Variants in ROBO1 observed in about 807,000 individuals in gnomAD.
ROBO1 encodes the protein roundabout guidance receptor 1.
Under a neutral mutation model 195.9 loss-of-function variants are expected in ROBO1, and 149 were observed. The observed-to-expected ratio is 0.76, with a 90% confidence interval of 0.67 to 0.87. The LOEUF (loss-of-function observed/expected upper bound fraction) is 0.87, where lower values mean the gene tolerates loss of function less well. ROBO1 is among the 40% of genes least tolerant of loss of function. ROBO1 has a pLI of 0.00. For missense variants in ROBO1, 1,933 were observed against 2,068.3 expected (o/e 0.93, Z 1.27); for synonymous variants, 816 against 733.2 (o/e 1.11, Z -1.82).
intron 2 of ROBO1, among the ~76,000 whole-genome samples, chr3:79,199,681 A>G (rs2081725098): frequency 2.0e-5 from 3 of 151,680 alleles, no homozygotes; most frequent in African/African-American, 7.3e-5. Context: ...CATGAGACAC[A>G]TATTTTTAGA....
chr3:79,010,468 ACT>A lies in ROBO1; in HGVS notation c.173-71543_173-71542del, dbSNP rs368743255. ...AGCACTTTGTCAAGCAGATAACAACACTCTGTAACTTTTAGGCATTATCAGTA... is the reference window on the plus strand; with the variant it reads ...AGCACTTTGTCAAGCAGATAACAACACTGTAACTTTTAGGCATTATCAGTA... On this transcript the variant is annotated intron_variant, in intron 3 of 30. Coordinates refer to ENST00000464233, the MANE Select transcript of ROBO1 (RefSeq NM_002941.4). 7.2e-3 allele frequency among the ~76,000 whole-genome samples: 1,091 copies of A among 152,118 alleles called. 15 individuals are homozygous for A. The highest frequency in any genetic ancestry group is 0.025 in the African/African-American group (1,033 of 41,492).
At chr3:78,933,102 T>A (rs1438310332) in intron 4 of ROBO1, among the ~76,000 whole-genome samples, 1 of 152,098 alleles carries the variant, frequency 6.6e-6, no homozygotes, top group Non-Finnish European at 1.5e-5. Context: ...AAGCATAGTT[T>A]TAAGATAGAC....
At chr3:79,680,629 G>A (rs897762152) in intron 1 of ROBO1, among the ~76,000 whole-genome samples, 1 of 151,990 alleles carries the variant, frequency 6.6e-6, no homozygotes, top group Non-Finnish European at 1.5e-5. Context: ...TTTCATCCAA[G>A]CATATTCAGC....
intron 2 of ROBO1, among the ~76,000 whole-genome samples, chr3:79,408,754 C>A (rs536445294): frequency 2.0e-5 from 3 of 152,172 alleles, no homozygotes; most frequent in Admixed American, 2.0e-4. Flanking sequence ...AAAGGGTCTA[C>A]TAGACTTACT....
At chr3:79,339,738 C>G (rs901351286) in intron 2 of ROBO1, among the ~76,000 whole-genome samples, 11 of 152,154 alleles carry the variant, frequency 7.2e-5, no homozygotes, top group Non-Finnish European at 1.5e-4. Flanking sequence ...AAAATTTTGT[C>G]TGTGTACTGC....
chr3:78,720,770 A>G (rs2082021690), intron 5 of ROBO1, among the ~76,000 whole-genome samples: 1 of 152,208 alleles, frequency 6.6e-6, no homozygotes, highest in Non-Finnish European at 1.5e-5. Context: ...AGCCATAAAA[A>G]AGGATGAGTT....
chr3:79,438,332 T>C (rs2038951870), intron 2 of ROBO1, among the ~76,000 whole-genome samples: 1 of 151,922 alleles, frequency 6.6e-6, no homozygotes, highest in African/African-American at 2.4e-5. Flanking sequence ...ATATTAACAC[T>C]AACATCATGG....
intron 2 of ROBO1, among the ~76,000 whole-genome samples, chr3:79,342,844 A>G (rs2034962550): frequency 6.6e-6 from 1 of 152,222 alleles, no homozygotes; most frequent in Non-Finnish European, 1.5e-5. Context: ...AGCTGAACCT[A>G]CATTGCACAT....
intron 11 of ROBO1, among the ~76,000 whole-genome samples, chr3:78,669,199 G>A (rs1559721674): frequency 6.6e-6 from 1 of 152,176 alleles, no homozygotes; most frequent in Non-Finnish European, 1.5e-5. Context: ...TTTGAAATCA[G>A]CAGCAGGATA....
chr3:78,971,226 A>C (rs1322937184), intron 3 of ROBO1, among the ~76,000 whole-genome samples: 3 of 151,870 alleles, frequency 2.0e-5, no homozygotes. Flanking sequence ...ACCTTCTCTA[A>C]AAAAATACAA....
intron 1 of ROBO1, among the ~76,000 whole-genome samples, chr3:79,670,900 G>A (rs1017739619): frequency 6.6e-6 from 1 of 151,794 alleles, no homozygotes; most frequent in African/African-American, 2.4e-5. Context: ...TAATTCACAA[G>A]GAGAACAATA....
chr3:78,883,794 C>T (rs1262458108), intron 4 of ROBO1, among the ~76,000 whole-genome samples: 2 of 152,086 alleles, frequency 1.3e-5, no homozygotes, highest in Non-Finnish European at 2.9e-5. Context: ...TACTTTCTCT[C>T]CTATCTGACA....
chr3:78,718,792 A>C (rs2081964964), intron 5 of ROBO1, among the ~76,000 whole-genome samples: 1 of 110,982 alleles, frequency 9.0e-6, no homozygotes, highest in Admixed American at 9.1e-5. Context: ...AGAAGGAAGG[A>C]AGGAAGGAAG....
intron 4 of ROBO1, among the ~76,000 whole-genome samples, chr3:78,795,010 A>T (rs1414603802): frequency 3.3e-5 from 5 of 152,218 alleles, no homozygotes; most frequent in Non-Finnish European, 7.4e-5. Context: ...TACATTTAAC[A>T]GAAAATAATT....
intron 5 of ROBO1, 121 bp downstream of exon 5, chr3:78,746,622 A>G (rs1213926493): frequency 6.6e-6 from 5 of 760,710 alleles, no homozygotes; most frequent in Non-Finnish European, 9.6e-6. Flanking sequence ...GAAAAGCTGA[A>G]CATGGGAGCT....
At chr3:79,078,699 A>G (rs1467283053) in intron 3 of ROBO1, among the ~76,000 whole-genome samples, 1 of 151,816 alleles carries the variant, frequency 6.6e-6, no homozygotes, top group African/African-American at 2.4e-5. Context: ...CACTTTTAGA[A>G]CATGTATGGA....
chr3:79,752,021 A>G (rs954789048), intron 1 of ROBO1, among the ~76,000 whole-genome samples: 2 of 152,146 alleles, frequency 1.3e-5, no homozygotes, highest in Admixed American at 1.3e-4. Context: ...AACGAAAACA[A>G]TATGTCCCTT....
chr3:79,344,520 G>A (rs1255566621), intron 2 of ROBO1, among the ~76,000 whole-genome samples: 2 of 152,168 alleles, frequency 1.3e-5, no homozygotes, highest in African/African-American at 2.4e-5. Flanking sequence ...AAAATTAAAA[G>A]TAGCAGCAAC....
intron 4 of ROBO1, among the ~76,000 whole-genome samples, chr3:78,816,510 C>CT (rs768088229): frequency 3.9e-5 from 6 of 152,090 alleles, no homozygotes; most frequent in African/African-American, 7.2e-5. Context: ...TTTTGTAAGG[C>CT]TATATAGCTG....
Sources: gnomAD v4.1 joint callset for allele counts (sites outside exome capture counted in the v4.1 genomes callset) on GRCh38, gnomAD v4.1.1 for gene constraint, MANE v1.5 for transcripts, NCBI Gene and HGNC (gene_info 2026-07-23, HGNC 2026-07-21) for gene names.